Variants in TIAM1 observed in about 807,000 individuals in gnomAD.
The protein encoded by TIAM1 is rho guanine nucleotide exchange factor TIAM1.
A neutral mutation model predicts 163.5 loss-of-function variants in TIAM1; 65 were observed. The observed-to-expected ratio is 0.40, with a 90% confidence interval of 0.33 to 0.49. The LOEUF is 0.49. Ranked by LOEUF, TIAM1 falls within the 20% of genes least tolerant of loss-of-function variation. TIAM1 has a pLI of 0.77. For missense variants in TIAM1, 1,789 were observed against 2,044.7 expected, an observed-to-expected ratio of 0.87 and a Z score of 2.41; for synonymous variants, 833 against 810.1, an observed-to-expected ratio of 1.03 and a Z score of -0.48.
chr21:31,429,621 T>C (rs947554874), intron 2 of TIAM1, among the ~76,000 whole-genome samples: 1 of 151,902 alleles, frequency 6.6e-6, no homozygotes, highest in African/African-American at 2.4e-5. Context: ...GCACAGTATG[T>C]GAAGGCAGGA....
At chr21:31,208,764 A>G (rs940761990) in intron 11 of TIAM1, among the ~76,000 whole-genome samples, 15 of 152,220 alleles carry the variant, frequency 9.9e-5, no homozygotes, top group Non-Finnish European at 1.9e-4. Flanking sequence ...TTCTTTAAAA[A>G]GCCGTCTGTG....
chr21:31,244,835 A>C (rs2071409193), intron 6 of TIAM1, among the ~76,000 whole-genome samples: 1 of 152,262 alleles, frequency 6.6e-6, no homozygotes, highest in African/African-American at 2.4e-5. Flanking sequence ...CAATGGAATC[A>C]ATAAAGAAAG....
At chr21:31,489,079 A>AT (rs1432437499) in intron 1 of TIAM1, among the ~76,000 whole-genome samples, 9 of 151,764 alleles carry the variant, frequency 5.9e-5, no homozygotes, top group African/African-American at 2.2e-4. Context: ...GGTAACAATA[A>AT]TAACTGTGGG....
intron 2 of TIAM1, among the ~76,000 whole-genome samples, chr21:31,306,470 T>G (rs146678994): frequency 1.1e-3 from 163 of 151,976 alleles, no homozygotes; most frequent in African/African-American, 3.4e-3. Context: ...AAGAGGAAAA[T>G]AATAACTTCA....
chr21:31,433,584 TAAG>T (rs2044113887), intron 2 of TIAM1, among the ~76,000 whole-genome samples: 1 of 152,158 alleles, frequency 6.6e-6, no homozygotes, highest in Non-Finnish European at 1.5e-5. Flanking sequence ...TCTCAGAATA[TAAG>T]AAGAAAAGGA....
intron 2 of TIAM1, among the ~76,000 whole-genome samples, chr21:31,292,300 G>T (rs572231677): frequency 1.1e-4 from 16 of 151,388 alleles, no homozygotes; most frequent in African/African-American, 3.9e-4. Context: ...GGTCCCTGAA[G>T]TATCTTCTAC....
intron 2 of TIAM1, among the ~76,000 whole-genome samples, chr21:31,324,007 CAAA>C (rs1170060140): frequency 4.5e-5 from 4 of 89,430 alleles, no homozygotes; most frequent in African/African-American, 4.0e-5. Flanking sequence ...GACCCTGTCT[CAAA>C]AAAAAAAAAA....
chr21:31,537,910 G>C (rs2048191380), intron 1 of TIAM1, among the ~76,000 whole-genome samples: 2 of 152,126 alleles, frequency 1.3e-5, no homozygotes, highest in South Asian at 4.1e-4. Context: ...TCCAAACAAA[G>C]AAAACTTAAA....
At chr21:31,411,604 T>A (rs1399586171) in intron 2 of TIAM1, among the ~76,000 whole-genome samples, 1 of 151,128 alleles carries the variant, frequency 6.6e-6, no homozygotes, top group Non-Finnish European at 1.5e-5. Flanking sequence ...GCCTCCTCAA[T>A]AGCTGGGATT....
intron 8 of TIAM1, among the ~76,000 whole-genome samples, chr21:31,218,187 C>T (rs1390258254): frequency 3.3e-5 from 5 of 152,170 alleles, no homozygotes; most frequent in Admixed American, 3.3e-4. Flanking sequence ...ATTTTGTTTT[C>T]TTAGGATATA....
chr21:31,136,645 T>C (rs1253345238), intron 22 of TIAM1, among the ~76,000 whole-genome samples: 1 of 152,214 alleles, frequency 6.6e-6, no homozygotes, highest in African/African-American at 2.4e-5. Context: ...CAGAAAAGGA[T>C]GGCAAATAGG....
intron 2 of TIAM1, among the ~76,000 whole-genome samples, chr21:31,409,401 C>A (rs1012704282): frequency 1.3e-5 from 2 of 152,216 alleles, no homozygotes; most frequent in African/African-American, 4.8e-5. Flanking sequence ...AGCCACCACA[C>A]CCAGCCAGAC....
At chr21:31,488,719 AT>A (rs199552797) in intron 1 of TIAM1, among the ~76,000 whole-genome samples, 2,814 of 152,238 alleles carry the variant, frequency 0.018, 88 homozygotes, top group African/African-American at 0.063. Flanking sequence ...GAGGGAAACC[AT>A]CCCCATGATT....
In TIAM1 at chr21:31,400,945, G is replaced by C. The variant is rs139679759; in HGVS notation, c.-368-61523C>G. 9.7e-3 allele frequency among the ~76,000 whole-genome samples: 1,471 copies of C among 152,168 alleles called. 21 individuals carry two copies. Among genetic ancestry groups the C allele is most frequent in the African/African-American group, 0.034 (1,410 of 41,524 alleles). On this transcript the variant is annotated intron_variant, in intron 2 of 28. Transcript: ENST00000286827. The stretch of plus-strand genomic sequence containing the variant: ...GGCTCTACTAAAAATACAAAAATTA[G>C]CTGGGCATGGTGGCAGGCTCCTGTA...
intron 1 of TIAM1, among the ~76,000 whole-genome samples, chr21:31,530,617 C>T (rs1238459031): frequency 6.6e-6 from 1 of 152,194 alleles, no homozygotes; most frequent in Non-Finnish European, 1.5e-5. Flanking sequence ...CTGTATGAGC[C>T]CCCCTGGTGG....
At position 31,232,146 on chromosome 21, in the gene TIAM1, G is replaced by T. The variant is rs55783240; in HGVS notation, c.1585-6196C>A. ...ATGTGTGGTGTACCTCAATTTAAAA[G>T]AAAAAATAATTATAAAATAAAAAAA... is the stretch of plus-strand genomic sequence containing the variant. On this transcript the variant is annotated intron_variant, in intron 6 of 27. Transcript: ENST00000541036. Among the ~76,000 whole-genome samples the T allele has an allele frequency of 6.6e-5, 10 of 151,842 alleles. No individual in the cohort carries two copies. In the South Asian group the frequency reaches 1.9e-3, roughly 28 times the overall value.
intron 2 of TIAM1, among the ~76,000 whole-genome samples, chr21:31,364,441 C>A (rs537829778): frequency 6.6e-6 from 1 of 152,164 alleles, no homozygotes; most frequent in South Asian, 2.1e-4. Flanking sequence ...CTCAAGCCTC[C>A]GCAGAGGGAG....
intron 15 of TIAM1, among the ~76,000 whole-genome samples, chr21:31,176,134 C>T (rs1281709264): frequency 1.3e-5 from 2 of 152,080 alleles, no homozygotes; most frequent in Non-Finnish European, 2.9e-5. Flanking sequence ...TAGTGGCTTG[C>T]AGGGGTACTG....
intron 6 of TIAM1, among the ~76,000 whole-genome samples, chr21:31,238,210 T>C (rs1164063521): frequency 6.6e-6 from 1 of 152,182 alleles, no homozygotes; most frequent in African/African-American, 2.4e-5. Flanking sequence ...TCATGGCTGA[T>C]TGCCTGTGCT....
Sources: allele counts gnomAD v4.1 joint callset (sites outside exome capture counted in the v4.1 genomes callset), GRCh38; gene constraint gnomAD v4.1.1; transcripts MANE v1.5; gene names NCBI Gene and HGNC (gene_info 2026-07-23, HGNC 2026-07-21).